GLYATL2: variants seen among roughly 807,000 people sequenced by gnomAD.
GLYATL2 encodes the protein glycine N-acyltransferase-like protein 2.
GLYATL2 carries 25 observed loss-of-function variants against 21.4 expected under a neutral mutation model. The observed-to-expected ratio is 1.17, with a 90% CI of 0.85 to 1.63. The LOEUF is 1.63. Among genes scored for constraint, GLYATL2 ranks in the 40% most tolerant of loss-of-function variants. The pLI is 0.00. For missense variants in GLYATL2, 361 were observed against 343.3 expected (o/e 1.05, Z -0.41); for synonymous variants, 114 against 118.2 (o/e 0.96, Z 0.23).
intron 1 of GLYATL2, among the ~76,000 whole-genome samples, chr11:58,896,662 G>A (rs1304986904): frequency 6.6e-6 from 1 of 152,184 alleles, no homozygotes; most frequent in African/African-American, 2.4e-5. Context: ...TATTAGAGAG[G>A]CTGCAATAAA....
chr11:58,838,502 C>T, intron 2 of GLYATL2, 134 bp from the exon 3 acceptor site: 1 of 546,182 alleles, frequency 1.8e-6, no homozygotes, highest in East Asian at 3.1e-5. Context: ...GCCAGTGCTT[C>T]CAGGATGGCT....
rs994386008 is a variant in GLYATL2, at chr11:58,857,333, A to G, written n.61-18965T>C. ...GTCTTCTTTTGAGAAATGTCTATTC[A>G]AGATGGCAGTGGGGAGCTAGCGGCA... On this transcript the variant is annotated intron_variant and non_coding_transcript_variant, in intron 1 of 4. Coordinates refer to the GLYATL2 transcript ENST00000533636. Among the ~76,000 whole-genome samples the G allele has an allele frequency of 5.3e-5, 8 of 152,202 alleles. No homozygotes were observed. In the East Asian group the frequency reaches 1.3e-3, roughly 26 times the overall value.
intron 1 of GLYATL2, among the ~76,000 whole-genome samples, chr11:58,895,139 A>G (rs560187426): frequency 3.9e-5 from 6 of 152,256 alleles, no homozygotes; most frequent in African/African-American, 1.4e-4. Context: ...AATGCAAGCC[A>G]GCTTCCCTTA....
chr11:58,867,300 G>C (rs1854039451), intron 1 of GLYATL2, among the ~76,000 whole-genome samples: 1 of 149,066 alleles, frequency 6.7e-6, no homozygotes, highest in African/African-American at 2.4e-5. Flanking sequence ...CTACTCACAA[G>C]ATCAGTACAG....
chr11:58,880,909 ATTAG>A, intron 1 of GLYATL2, among the ~76,000 whole-genome samples: 1 of 152,372 alleles, frequency 6.6e-6, no homozygotes, highest in Non-Finnish European at 1.5e-5. Context: ...CTTAAGACAT[ATTAG>A]TTAACTATTT....
rs368116420 is a variant in GLYATL2 at position 58,896,865 on chromosome 11, T to C, written n.60+7291A>G. Reference sequence around the variant, plus strand: ...CATATAGGAATTAAGAAGACAGATATGTGTTTGGTCCACACCTTGATCCCC... The same window carrying C: ...CATATAGGAATTAAGAAGACAGATACGTGTTTGGTCCACACCTTGATCCCC... On this transcript the variant is annotated intron_variant and non_coding_transcript_variant, in intron 1 of 4. Transcript: ENST00000533636. 9.8e-5 allele frequency among the ~76,000 whole-genome samples: 15 copies of C among 152,332 alleles called. No homozygotes were observed. The South Asian group carries it at 3.1e-3, about 32-fold the overall frequency.
chr11:58,908,558 T>C (rs1854965435), upstream of GLYATL2: 1 of 201,000 alleles, frequency 5.0e-6, no homozygotes, highest in African/African-American at 2.3e-5. Flanking sequence ...GCATATCTAC[T>C]TTTTTACAAC....
chr11:58,900,233 T>C (rs1180840406), intron 1 of GLYATL2, among the ~76,000 whole-genome samples: 1 of 152,208 alleles, frequency 6.6e-6, no homozygotes, highest in Admixed American at 6.5e-5. Flanking sequence ...AGGACATGCA[T>C]GCATTGAAAT....
intron 1 of GLYATL2, among the ~76,000 whole-genome samples, chr11:58,883,682 A>G (rs1181729464): frequency 6.6e-6 from 1 of 152,188 alleles, no homozygotes; most frequent in African/African-American, 2.4e-5. Flanking sequence ...ATTCCAATCA[A>G]TAAAAAAAGA....
intron 1 of GLYATL2, among the ~76,000 whole-genome samples, chr11:58,853,854 T>C (rs1853783103): frequency 1.3e-5 from 2 of 152,150 alleles, no homozygotes. Context: ...ACAATTTTCA[T>C]AAAATAGTAT....
intron 1 of GLYATL2, 21 bp downstream of exon 1, chr11:58,844,413 G>C (rs1590718006): frequency 6.6e-6 from 1 of 152,172 alleles, no homozygotes; most frequent in Admixed American, 6.5e-5. Context: ...TAAAAAGGCT[G>C]TTCTAAATAA....
intron 1 of GLYATL2, among the ~76,000 whole-genome samples, chr11:58,898,639 T>C (rs988136883): frequency 4.0e-5 from 6 of 151,764 alleles, no homozygotes; most frequent in Non-Finnish European, 8.8e-5. Flanking sequence ...ATCGAGACCA[T>C]CCTGGCTAAC....
chr11:58,858,267 G>C (rs1399151419), intron 1 of GLYATL2, among the ~76,000 whole-genome samples: 2 of 152,124 alleles, frequency 1.3e-5, no homozygotes, highest in Non-Finnish European at 2.9e-5. Context: ...CTGGAGATGA[G>C]CCTACTTTGG....
At chr11:58,907,209 A>G (rs1278500060), upstream of GLYATL2, 3 of 455,614 alleles carry the variant, frequency 6.6e-6, no homozygotes, top group Non-Finnish European at 8.8e-6. Context: ...ATATATCCTG[A>G]GTTTTCTGTC....
chr11:58,871,573 G>A (rs957275448), intron 1 of GLYATL2, among the ~76,000 whole-genome samples: 4 of 151,970 alleles, frequency 2.6e-5, no homozygotes, highest in African/African-American at 9.7e-5. Context: ...TGAGAATGAT[G>A]GTTTCCAGCT....
chr11:58,852,762 G>T (rs1853764299), intron 1 of GLYATL2, among the ~76,000 whole-genome samples: 1 of 152,090 alleles, frequency 6.6e-6, no homozygotes, highest in South Asian at 2.1e-4. Context: ...CTCTTTAATC[G>T]TTAACTACTT....
chr11:58,890,382 C>A (rs1005607388), intron 1 of GLYATL2, among the ~76,000 whole-genome samples: 17 of 152,052 alleles, frequency 1.1e-4, no homozygotes, highest in African/African-American at 3.9e-4. Flanking sequence ...ATGTTCATTG[C>A]TGCACTGTTC....
chr11:58,884,002 C>T (rs910694044), intron 1 of GLYATL2, among the ~76,000 whole-genome samples: 4 of 152,078 alleles, frequency 2.6e-5, no homozygotes, highest in Admixed American at 1.3e-4. Flanking sequence ...AAAAAGCCTT[C>T]GACAAAATTC....
chr11:58,848,777 T>G (rs1329182418), upstream of GLYATL2, among the ~76,000 whole-genome samples: 1 of 151,618 alleles, frequency 6.6e-6, no homozygotes, highest in Non-Finnish European at 1.5e-5. Context: ...GGAGATGGGG[T>G]AGAAAGTTTA....
Sources: allele counts gnomAD v4.1 joint callset (sites outside exome capture counted in the v4.1 genomes callset), GRCh38; gene constraint gnomAD v4.1.1; transcripts MANE v1.5; gene names NCBI Gene and HGNC (gene_info 2026-07-23, HGNC 2026-07-21).